FRAS1: variants seen among roughly 807,000 people sequenced by gnomAD.
The protein encoded by FRAS1 is extracellular matrix organizing protein FRAS1.
Under a neutral mutation model 435.2 loss-of-function variants are expected in FRAS1, and 290 were observed. That is an observed-to-expected ratio of 0.67 (90% CI 0.61 to 0.73). The LOEUF is 0.73. Ranked by LOEUF, FRAS1 falls within the 30% of genes least tolerant of loss-of-function variation. The pLI, the probability that FRAS1 is intolerant of heterozygous loss-of-function variation, is 0.00. For missense variants in FRAS1, 4,860 were observed against 5,001.5 expected, an observed-to-expected ratio of 0.97 and a Z score of 0.85; for synonymous variants, 1,800 against 1,851.0, an observed-to-expected ratio of 0.97 and a Z score of 0.71.
In FRAS1 at chr4:78,464,557, C is replaced by T; in HGVS notation, c.7003C>T (p.Leu2335Phe). The change falls in exon 49 of 74, where the codon CTT (leucine) becomes TTT (phenylalanine). Residue 2335 changes from leucine (L) to phenylalanine (F), a missense_variant. Coordinates refer to ENST00000512123, the MANE Select transcript of FRAS1 (RefSeq NM_025074.7). ...GMRKTITEFE[L>F]KAVDADTEAE... ...GAGGAAGACCATCACAGAGTTTGAGCTTAAGGCGGTGGATGCTGACACAGA... is the reference window on the plus strand; with the variant it reads ...GAGGAAGACCATCACAGAGTTTGAGTTTAAGGCGGTGGATGCTGACACAGA... The T allele has an allele frequency of 6.2e-7, 1 of 1,613,882 alleles. No individual in the cohort carries two copies. Among genetic ancestry groups the T allele is most frequent in the East Asian group, 2.2e-5 (1 of 44,868 alleles).
intron 2 of FRAS1, among the ~76,000 whole-genome samples, chr4:78,127,803 G>A (rs914506128): frequency 6.6e-5 from 10 of 151,938 alleles, no homozygotes; most frequent in East Asian, 3.9e-4. Flanking sequence ...CAACGTGCAG[G>A]TTTGTTACAT....
At chr4:78,471,448 T>C (rs79510857) in intron 51 of FRAS1, among the ~76,000 whole-genome samples, 1,816 of 152,178 alleles carry the variant, frequency 0.012, 31 homozygotes, top group African/African-American at 0.042. Flanking sequence ...CCACCTTATT[T>C]AGAGCAATTC....
At chr4:78,452,715 T>C (rs1719063252) in intron 47 of FRAS1, among the ~76,000 whole-genome samples, 1 of 152,170 alleles carries the variant, frequency 6.6e-6, no homozygotes, top group Non-Finnish European at 1.5e-5. Context: ...TTCAATCCAG[T>C]GAATAGTGAG....
At chr4:78,322,000 A>G (rs776000511) in intron 18 of FRAS1, among the ~76,000 whole-genome samples, 37 of 152,224 alleles carry the variant, frequency 2.4e-4, no homozygotes, top group Middle Eastern at 6.8e-3. Context: ...CTCTCTACTC[A>G]TGTTTATTAG....
At position 78,116,428 on chromosome 4, in the gene FRAS1, G is replaced by A. The variant is rs911638639; in HGVS notation, c.108+50412G>A. Among the ~76,000 whole-genome samples the A allele has an allele frequency of 4.1e-4, 63 of 152,194 alleles. 2 individuals carry two copies. The highest frequency in any genetic ancestry group is 1.4e-3 in the African/African-American group (59 of 41,516). On this transcript the variant is annotated intron_variant, in intron 2 of 73. Transcript: ENST00000512123. ...TTGATCTGTCTAATGTTGACAGTGG[G>A]GTGTTAAAGTTTCCCATTATTATTG...
At chr4:78,178,198 T>TA in intron 2 of FRAS1, among the ~76,000 whole-genome samples, 1 of 152,148 alleles carries the variant, frequency 6.6e-6, no homozygotes, top group South Asian at 2.1e-4. Flanking sequence ...CTCCTTTTTT[T>TA]AAAAAAATAA....
At chr4:78,288,450 C>T (rs1036599824) in intron 14 of FRAS1, among the ~76,000 whole-genome samples, 3 of 152,166 alleles carry the variant, frequency 2.0e-5, no homozygotes, top group Non-Finnish European at 4.4e-5. Context: ...TCCTTTCTCC[C>T]ATGCCCGTTG....
intron 9 of FRAS1, among the ~76,000 whole-genome samples, chr4:78,274,125 A>AT (rs1320282620): frequency 6.6e-6 from 1 of 152,080 alleles, no homozygotes; most frequent in Non-Finnish European, 1.5e-5. Context: ...GTATTCTCTG[A>AT]TGGTAGTTTG....
intron 69 of FRAS1, among the ~76,000 whole-genome samples, chr4:78,524,847 A>G (rs1284840131): frequency 6.6e-6 from 1 of 152,190 alleles, no homozygotes; most frequent in Non-Finnish European, 1.5e-5. Flanking sequence ...AATGAATGGT[A>G]TGGAGCAGGG....
At chr4:78,389,849 A>T (rs1256232134) in intron 29 of FRAS1, among the ~76,000 whole-genome samples, 1 of 152,196 alleles carries the variant, frequency 6.6e-6, no homozygotes, top group African/African-American at 2.4e-5. Flanking sequence ...ACCAAGAAAA[A>T]TGGAAATTTA....
At chr4:78,322,422 G>T (rs1335676966) in intron 18 of FRAS1, among the ~76,000 whole-genome samples, 1 of 152,130 alleles carries the variant, frequency 6.6e-6, no homozygotes, top group Non-Finnish European at 1.5e-5. Context: ...ACTATTGAGG[G>T]TTTCTTTTAT....
rs10631175 is a variant in FRAS1, at chr4:78,091,623, T to TTGTGTGTG, written c.108+25622_108+25629dup. Among the ~76,000 whole-genome samples the TTGTGTGTG allele has an allele frequency of 1.7e-3, 247 of 148,186 alleles. 2 individuals are homozygous for TTGTGTGTG. Among genetic ancestry groups the TTGTGTGTG allele is most frequent in the East Asian group, 8.6e-3 (43 of 5,014 alleles). On this transcript the variant is annotated intron_variant, in intron 2 of 73. Transcript: ENST00000512123. ...TATATACATACATACACACGTGTGT[T>TTGTGTGTG]TGTGTGTGTGTGTGTGTGTGTGAAT...
intron 20 of FRAS1, among the ~76,000 whole-genome samples, chr4:78,355,884 T>C (rs1486598368): frequency 1.3e-5 from 2 of 152,174 alleles, no homozygotes; most frequent in African/African-American, 4.8e-5. Flanking sequence ...TTCTGACAGA[T>C]GTGCTTCTAT....
intron 41 of FRAS1, among the ~76,000 whole-genome samples, chr4:78,444,691 TC>T (rs199512476): frequency 0.022 from 3,421 of 152,252 alleles, 144 homozygotes; most frequent in African/African-American, 0.077. Flanking sequence ...AAACAAGACA[TC>T]TATCATTTAG....
chr4:78,532,769 T>A (rs1721755882), intron 70 of FRAS1, among the ~76,000 whole-genome samples: 1 of 152,216 alleles, frequency 6.6e-6, no homozygotes, highest in African/African-American at 2.4e-5. Flanking sequence ...TCACATAGTA[T>A]AATGTCTTTC....
intron 2 of FRAS1, among the ~76,000 whole-genome samples, chr4:78,089,335 C>T (rs562708222): frequency 1.3e-4 from 20 of 151,408 alleles, no homozygotes; most frequent in East Asian, 1.9e-4. Context: ...TGCTAAATGA[C>T]GAGTTAATGG....
chr4:78,149,780 C>T (rs1720567511), intron 2 of FRAS1, among the ~76,000 whole-genome samples: 1 of 152,190 alleles, frequency 6.6e-6, no homozygotes, highest in Non-Finnish European at 1.5e-5. Flanking sequence ...CACACTTCAG[C>T]TGATGTTGCC....
At chr4:78,444,537 A>C (rs1200460157) in intron 41 of FRAS1, among the ~76,000 whole-genome samples, 1 of 152,198 alleles carries the variant, frequency 6.6e-6, no homozygotes, top group African/African-American at 2.4e-5. Context: ...TTGCCTTCAG[A>C]TCTGCTAGCT....
intron 2 of FRAS1, among the ~76,000 whole-genome samples, chr4:78,193,022 C>A (rs370973773): frequency 6.6e-6 from 1 of 152,130 alleles, no homozygotes; most frequent in Non-Finnish European, 1.5e-5. Flanking sequence ...GCCTTCATTT[C>A]GTTATGTACC....
Sources: allele counts gnomAD v4.1 joint callset (sites outside exome capture counted in the v4.1 genomes callset), GRCh38; gene constraint gnomAD v4.1.1; transcripts MANE v1.5; gene names NCBI Gene and HGNC (gene_info 2026-07-23, HGNC 2026-07-21).